The following MTHFD1 variants were observed in gnomAD, a reference collection of about 807,000 sequenced individuals.
MTHFD1 encodes the protein C-1-tetrahydrofolate synthase, cytoplasmic.
A neutral mutation model predicts 110.3 loss-of-function variants in MTHFD1; 44 were observed. That is an observed-to-expected ratio of 0.40 (90% CI 0.31 to 0.51). The LOEUF (loss-of-function observed/expected upper bound fraction) is 0.51. Among genes scored for constraint, MTHFD1 ranks in the 20% least tolerant of loss-of-function variants. The pLI, the probability that MTHFD1 is intolerant of heterozygous loss-of-function variation, is 0.60. For synonymous variants in MTHFD1, 402 were observed against 428.8 expected (o/e 0.94, Z 0.77); for missense variants, 909 against 1,173.1 (o/e 0.77, Z 3.29).
chr14:64,440,427 T>C, intron 18 of MTHFD1, 161 bp downstream of exon 18: 1 of 888,762 alleles, frequency 1.1e-6, no homozygotes, highest in South Asian at 1.4e-5. Context: ...TTATGAAATG[T>C]TTAAAAAGTA....
intron 2 of MTHFD1, among the ~76,000 whole-genome samples, chr14:64,403,384 C>T (rs1265891629): frequency 6.6e-6 from 1 of 151,806 alleles, no homozygotes; most frequent in Non-Finnish European, 1.5e-5. Context: ...AAGTGATTCT[C>T]ATGCCTCAGC....
chr14:64,420,682 T>C (rs929122890), intron 8 of MTHFD1, among the ~76,000 whole-genome samples: 17 of 152,174 alleles, frequency 1.1e-4, no homozygotes, highest in Admixed American at 9.8e-4. Flanking sequence ...CCCCGTGCTC[T>C]CGCCTTGCCA....
intron 2 of MTHFD1, among the ~76,000 whole-genome samples, chr14:64,401,936 G>C (rs1217961319): frequency 6.6e-6 from 1 of 152,152 alleles, no homozygotes; most frequent in East Asian, 1.9e-4. Context: ...TCAGTCTTTT[G>C]CTGTGTGCTG....
In MTHFD1 at chr14:64,427,433, T is replaced by C. The variant is rs1465099699; in HGVS notation, c.1224T>C (p.Cys408=). The change falls in exon 12 of 28, where the codon TGT becomes TGC. Residue 408 remains cysteine (C), a synonymous_variant. Coordinates refer to ENST00000652337, the MANE Select transcript of MTHFD1 (RefSeq NM_005956.4). ...GAHLYQNVFA[C]VRQPSQGPTF... ...ATCTCTACCAGAATGTCTTTGCGTG[T>C]GTGCGACAGCCTTCTCAGGGCCCCA... The C allele has an allele frequency of 6.2e-6, 10 of 1,614,130 alleles. No homozygotes were observed. The Admixed American group carries it at 8.3e-5, about 13-fold the overall frequency.
intron 1 of MTHFD1, among the ~76,000 whole-genome samples, chr14:64,389,417 T>C (rs772274652): frequency 1.9e-4 from 29 of 152,106 alleles, no homozygotes; most frequent in Non-Finnish European, 3.5e-4. Flanking sequence ...AAGTCATCGG[T>C]GGTGAAAAGT....
At chr14:64,428,102 G>GTTTTTT (rs11289659) in intron 12 of MTHFD1, among the ~76,000 whole-genome samples, 10 of 74,722 alleles carry the variant, frequency 1.3e-4, no homozygotes, top group Admixed American at 3.9e-4. Flanking sequence ...AAGAACATGT[G>GTTTTTT]TTTTTTTTTT....
intron 1 of MTHFD1, among the ~76,000 whole-genome samples, chr14:64,396,558 A>ATTTTTT (rs71123843): frequency 3.2e-5 from 4 of 126,794 alleles, no homozygotes; most frequent in Non-Finnish European, 3.3e-5. Context: ...CTCCCAGTTA[A>ATTTTTT]TTTTTTTTTT....
intron 12 of MTHFD1, among the ~76,000 whole-genome samples, chr14:64,429,483 T>C (rs1436638864): frequency 2.6e-5 from 4 of 151,870 alleles, no homozygotes; most frequent in Non-Finnish European, 1.5e-5. Context: ...TCAACTGGCT[T>C]TTGGCTAATA....
chr14:64,408,062 C>G (rs758458946), intron 2 of MTHFD1, among the ~76,000 whole-genome samples: 3 of 151,734 alleles, frequency 2.0e-5, no homozygotes, highest in Non-Finnish European at 2.9e-5. Context: ...AAACTGTGGC[C>G]CGTATCCAAA....
chr14:64,451,175 T>A (rs2078365824), intron 24 of MTHFD1, among the ~76,000 whole-genome samples: 2 of 151,432 alleles, frequency 1.3e-5, no homozygotes, highest in Admixed American at 6.6e-5. Flanking sequence ...AAAAAAAAAA[T>A]TTTGTTTTAT....
rs777665601 is a variant in MTHFD1, at chr14:64,448,364, G to A, written c.2279+47G>A. 3.7e-6 allele frequency: 5 copies of A among 1,365,710 alleles called. No homozygotes were observed. In the Admixed American group the frequency reaches 6.7e-5, roughly 18 times the overall value. The allele number at this position is 1,365,710 out of a possible 1,614,324, so 84.6% of individuals were successfully genotyped here. A position where few individuals can be genotyped will look rare whatever the true frequency, so the allele number is the denominator to read the frequency against. ...AAAGGATGAATGTGGAAAATCTCCT[G>A]GAGCTGATTGTACAGCACTGCTTTT... On this transcript the variant is annotated intron_variant, in intron 23 of 27. Transcript: ENST00000652337.
intron 8 of MTHFD1, chr14:64,424,379 C>A: frequency 4.1e-6 from 1 of 246,242 alleles, no homozygotes; most frequent in Non-Finnish European, 8.0e-6. Context: ...ATGGAGCTCA[C>A]AAAATGCTGA....
intron 24 of MTHFD1, among the ~76,000 whole-genome samples, chr14:64,452,275 A>T (rs1314517336): frequency 6.6e-6 from 1 of 152,252 alleles, no homozygotes; most frequent in African/African-American, 2.4e-5. Context: ...AGCCTGGGCA[A>T]CAAGTGCAAA....
intron 9 of MTHFD1, 47 bp from the exon 10 acceptor site, chr14:64,425,683 T>G: frequency 6.6e-7 from 1 of 1,511,902 alleles, no homozygotes; most frequent in South Asian, 1.1e-5. Flanking sequence ...GAGGTGAGGA[T>G]TAAAATAACC....
chr14:64,411,231 C>T (rs147438541), intron 3 of MTHFD1, 82 bp downstream of exon 3: 473 of 1,071,688 alleles, frequency 4.4e-4, no homozygotes, highest in Admixed American at 6.3e-4. Flanking sequence ...TTTTGGTCCT[C>T]CCTGTGAAAA....
intron 16 of MTHFD1, among the ~76,000 whole-genome samples, chr14:64,435,882 G>A (rs2078202513): frequency 6.6e-6 from 1 of 152,146 alleles, no homozygotes; most frequent in South Asian, 2.1e-4. Context: ...TTGTTGGATT[G>A]GTCGAACATT....
chr14:64,412,478 A>G lies in MTHFD1; in HGVS notation c.193A>G (p.Ile65Val), dbSNP rs2077992351. The G allele has an allele frequency of 6.2e-7, 1 of 1,613,076 alleles. No homozygotes were observed. The highest frequency in any genetic ancestry group is 8.5e-7 in the Non-Finnish European group (1 of 1,179,206). The change falls in exon 4 of 28, where the codon ATC (isoleucine) becomes GTC (valine). Residue 65 changes from isoleucine (I) to valine (V), a missense_variant. This residue lies in a region of MTHFD1 where 424 missense variants were observed against 510.4 expected (regional missense o/e 0.83). Transcript: ENST00000652337. Reference sequence around the variant, plus strand: ...TTTAATGTCTGTTTTGCAGATTGGGATCAAAGCCACTCACATTAAGTTACC... The same window carrying G: ...TTTAATGTCTGTTTTGCAGATTGGGGTCAAAGCCACTCACATTAAGTTACC... ...VKLKAAEEIG[I>V]KATHIKLPRT...
intron 1 of MTHFD1, among the ~76,000 whole-genome samples, chr14:64,396,725 T>C (rs2077852619): frequency 6.6e-6 from 1 of 151,832 alleles, no homozygotes; most frequent in Non-Finnish European, 1.5e-5. Context: ...GTATAAAAAT[T>C]GTTAATGAAC....
chr14:64,432,110 G>A (rs1174015410), intron 15 of MTHFD1, among the ~76,000 whole-genome samples: 3 of 152,156 alleles, frequency 2.0e-5, no homozygotes, highest in Non-Finnish European at 4.4e-5. Flanking sequence ...AGAAAGAAAC[G>A]ACACTTCCTT....
Sources: allele counts gnomAD v4.1 joint callset (sites outside exome capture counted in the v4.1 genomes callset), GRCh38; gene constraint gnomAD v4.1.1; regional missense constraint gnomAD v4.1.1; transcripts MANE v1.5; gene names NCBI Gene and HGNC (gene_info 2026-07-23, HGNC 2026-07-21).